The following MACF1 variants were observed in gnomAD, a reference collection of about 807,000 sequenced individuals.
MACF1 encodes the protein microtubule actin crosslinking factor 1.
MACF1 carries 193 observed loss-of-function variants against 854.8 expected under a neutral mutation model. That is an observed-to-expected ratio of 0.23 (90% CI 0.20 to 0.25). The LOEUF (loss-of-function observed/expected upper bound fraction) is 0.25. MACF1 is among the 10% of genes least tolerant of loss of function. The pLI is 1.00. For missense variants in MACF1, 7,722 were observed against 8,929.1 expected, an observed-to-expected ratio of 0.86 and a Z score of 5.45; for synonymous variants, 3,185 against 3,226.7, an observed-to-expected ratio of 0.99 and a Z score of 0.44.
intron 97 of MACF1, among the ~76,000 whole-genome samples, chr1:39,477,094 C>CTTAGTGTGTATATATATATATAT (rs1557675129): frequency 1.3e-5 from 1 of 78,816 alleles, no homozygotes; most frequent in African/African-American, 6.8e-5. Flanking sequence ...TATATATACA[C>CTTAGTGTGTATATATATATATAT]ACACACACAT....
chr1:39,160,975 T>C (rs1052603978), intron 2 of MACF1, among the ~76,000 whole-genome samples: 2 of 152,178 alleles, frequency 1.3e-5, no homozygotes, highest in Admixed American at 1.3e-4. Flanking sequence ...TTGTAGACAT[T>C]CCTCCATCTA....
rs778686283 is a variant in MACF1 at position 39,285,381 on chromosome 1, A to G, written c.1344A>G (p.Thr448=). The change falls in exon 13 of 101, where the codon ACA becomes ACG. Residue 448 remains threonine, a synonymous_variant. Transcript: ENST00000564288. ...CEEKLTLAKN[T]LQADAAHLES... is the part of the protein sequence containing the mutation. ...AAAAACTGACACTAGCTAAGAATACACTGCAGGCTGTAAGTCTCTGACTGT... is the reference window on the plus strand; with the variant it reads ...AAAAACTGACACTAGCTAAGAATACGCTGCAGGCTGTAAGTCTCTGACTGT... The G allele has an allele frequency of 6.2e-7, 1 of 1,613,866 alleles. No individual in the cohort carries two copies. The highest frequency in any genetic ancestry group is 8.5e-7 in the Non-Finnish European group (1 of 1,180,014).
At chr1:39,266,042 T>C (rs1645227841) in intron 6 of MACF1, among the ~76,000 whole-genome samples, 1 of 152,160 alleles carries the variant, frequency 6.6e-6, no homozygotes, top group Admixed American at 6.5e-5. Context: ...CTCTGCTCCT[T>C]CCCTAGACCA....
chr1:39,155,949 G>A (rs186311005), intron 2 of MACF1, among the ~76,000 whole-genome samples: 58 of 151,044 alleles, frequency 3.8e-4, no homozygotes, highest in African/African-American at 1.3e-3. Context: ...GTGCAGTGGC[G>A]CGATCTAGGC....
rs1319429563 is a variant in MACF1 at position 39,388,206 on chromosome 1, G to C, written c.15364G>C (p.Gly5122Arg). ...GATGGAAAACAAGCTGGAGGGGATT[G>C]GCCAGTTTCACTGCCGGGTCCGAGA... ...VMMENKLEGI[G>R]QFHCRVREMF... Residue 5122 changes from glycine (G) to arginine (R), a missense_variant, in exon 58 of 101, where the codon GGC becomes CGC. Physicochemically the swap from Gly to Arg is moderately radical, Grantham distance 125 (BLOSUM62 -2). Transcript: ENST00000564288. 6.2e-7 allele frequency: 1 copy of C among 1,614,140 alleles called. No homozygotes were observed. The highest frequency in any genetic ancestry group is 2.2e-5 in the East Asian group (1 of 44,874).
intron 2 of MACF1, among the ~76,000 whole-genome samples, chr1:39,144,734 T>C (rs1247605126): frequency 6.6e-6 from 1 of 151,090 alleles, no homozygotes; most frequent in Non-Finnish European, 1.5e-5. Flanking sequence ...TAAATGATCC[T>C]CTCTCCTTGG....
intron 6 of MACF1, among the ~76,000 whole-genome samples, chr1:39,267,899 A>G (rs1275636014): frequency 6.6e-6 from 1 of 152,226 alleles, no homozygotes; most frequent in African/African-American, 2.4e-5. Flanking sequence ...TAAATGCTCC[A>G]GAAGGCTAGA....
intron 71 of MACF1, 36 bp from the exon 72 acceptor site, chr1:39,439,238 A>C: frequency 1.5e-6 from 2 of 1,303,566 alleles, no homozygotes; most frequent in South Asian, 2.4e-5. Flanking sequence ...GCTCTTCAGA[A>C]AGTCCTATTC....
chr1:39,155,286 C>T (rs1643660904), intron 2 of MACF1, among the ~76,000 whole-genome samples: 1 of 152,238 alleles, frequency 6.6e-6, no homozygotes, highest in East Asian at 1.9e-4. Context: ...TGGTGAAACA[C>T]ACAGAGGAAA....
intron 4 of MACF1, among the ~76,000 whole-genome samples, chr1:39,252,765 G>A (rs998216887): frequency 1.3e-5 from 2 of 152,162 alleles, no homozygotes; most frequent in Non-Finnish European, 2.9e-5. Flanking sequence ...AAAGGTTCTT[G>A]CTAAAAAGAT....
chr1:39,292,855 C>T lies in MACF1; in HGVS notation c.1992+12C>T, dbSNP rs918017254. 1 of 1,606,428 alleles carries T rather than the reference C, an allele frequency of 6.2e-7. No homozygotes were observed. The highest frequency in any genetic ancestry group is 8.5e-7 in the Non-Finnish European group (1 of 1,175,048). ...ATTGTAAATTGAAGGTGAGTTTCTG[C>T]CGATTCTCTTACATTCTGCTCATAG... On this transcript the variant is annotated intron_variant, in intron 17 of 100. Transcript: ENST00000564288.
chr1:39,098,873 G>A (rs939313571), intron 2 of MACF1, among the ~76,000 whole-genome samples: 2 of 152,206 alleles, frequency 1.3e-5, no homozygotes, highest in Non-Finnish European at 2.9e-5. Context: ...ACCCCAGAGC[G>A]GATTTGGGAA....
intron 97 of MACF1, among the ~76,000 whole-genome samples, chr1:39,478,141 T>C (rs1298516694): frequency 6.6e-6 from 1 of 151,988 alleles, no homozygotes; most frequent in Admixed American, 6.6e-5. Context: ...TAGCTGGGAC[T>C]ACAGGCATGC....
At chr1:39,389,168 G>T (rs967741541) in intron 58 of MACF1, among the ~76,000 whole-genome samples, 1 of 151,082 alleles carries the variant, frequency 6.6e-6, no homozygotes, top group Non-Finnish European at 1.5e-5. Flanking sequence ...GAGCCATCAC[G>T]CCCAGCCAGA....
chr1:39,274,057 A>G (rs1319746680), intron 6 of MACF1, among the ~76,000 whole-genome samples: 1 of 152,132 alleles, frequency 6.6e-6, no homozygotes, highest in Non-Finnish European at 1.5e-5. Context: ...ATAATAGGGG[A>G]AGGGTGAAGT....
intron 21 of MACF1, among the ~76,000 whole-genome samples, 193 bp from the exon 22 acceptor site, chr1:39,300,017 T>C (rs999763090): frequency 6.6e-6 from 1 of 152,250 alleles, no homozygotes; most frequent in Admixed American, 6.5e-5. Context: ...GCGAAAGCAC[T>C]TGGTAGAAGA....
chr1:39,322,310 G>A (rs1434745690), intron 31 of MACF1, among the ~76,000 whole-genome samples: 1 of 152,082 alleles, frequency 6.6e-6, no homozygotes, highest in African/African-American at 2.4e-5. Context: ...AAAATCAAAA[G>A]AATAATATTT....
intron 2 of MACF1, among the ~76,000 whole-genome samples, chr1:39,170,832 A>G (rs1159501477): frequency 6.6e-6 from 1 of 152,182 alleles, no homozygotes; most frequent in Admixed American, 6.5e-5. Flanking sequence ...GAAGGAGTTA[A>G]AATGCTTCTA....
intron 2 of MACF1, among the ~76,000 whole-genome samples, chr1:39,109,535 A>G (rs1642338912): frequency 6.6e-6 from 1 of 151,600 alleles, no homozygotes; most frequent in South Asian, 2.1e-4. Context: ...TCAGCCTCCC[A>G]AAGTGCTGGG....
Sources: allele counts gnomAD v4.1 joint callset (sites outside exome capture counted in the v4.1 genomes callset), GRCh38; gene constraint gnomAD v4.1.1; transcripts MANE v1.5; gene names NCBI Gene and HGNC (gene_info 2026-07-23, HGNC 2026-07-21).